XDH: variants seen among roughly 807,000 people sequenced by gnomAD.
The protein encoded by XDH is xanthine dehydrogenase.
Under a neutral mutation model 156.1 loss-of-function variants are expected in XDH, and 138 were observed. The observed-to-expected ratio is 0.88, with a 90% CI of 0.77 to 1.02. XDH has a LOEUF of 1.02. XDH is among the 50% of genes least tolerant of loss of function. The pLI is 0.00. For missense variants in XDH, 1,849 were observed against 1,684.9 expected (o/e 1.10, Z -1.71); for synonymous variants, 669 against 625.7 (o/e 1.07, Z -1.03).
At chr2:31,348,398 A>C (rs370795581) in intron 27 of XDH, 35 bp from the exon 28 acceptor site, 23 of 1,601,942 alleles carry the variant, frequency 1.4e-5, no homozygotes, top group Non-Finnish European at 1.8e-5. Flanking sequence ...CACAAAATTC[A>C]GTAAAATCCA....
chr2:31,364,380 G>T, intron 23 of XDH, 136 bp from the exon 24 acceptor site: 2 of 892,724 alleles, frequency 2.2e-6, no homozygotes, highest in South Asian at 2.8e-5. Context: ...TGAAAAAAAG[G>T]TGACCTTCAG....
chr2:31,369,159 AGCTTCTCAAAG>A (rs758465784), intron 18 of XDH, among the ~76,000 whole-genome samples: 2 of 152,094 alleles, frequency 1.3e-5, no homozygotes, highest in Non-Finnish European at 2.9e-5. Context: ...TTATACCAAA[AGCTTCTCAAAG>A]GCTGTAAAGG....
At chr2:31,392,781 C>T (rs1686802696) in intron 6 of XDH, among the ~76,000 whole-genome samples, 1 of 152,198 alleles carries the variant, frequency 6.6e-6, no homozygotes, top group Admixed American at 6.5e-5. Context: ...AAATTTCCCT[C>T]TAAGCATTGT....
At chr2:31,397,507 C>G (rs901057114) in intron 6 of XDH, among the ~76,000 whole-genome samples, 161 bp downstream of exon 6, 3 of 152,212 alleles carry the variant, frequency 2.0e-5, no homozygotes, top group African/African-American at 7.2e-5. Context: ...ATGGCAGACT[C>G]TACTCCCCAT....
chr2:31,406,381 T>C (rs371506970), intron 1 of XDH, among the ~76,000 whole-genome samples: 5 of 152,216 alleles, frequency 3.3e-5, no homozygotes, highest in Non-Finnish European at 5.9e-5. Context: ...GTCATGCTTG[T>C]ACAGCCTGCA....
intron 17 of XDH, among the ~76,000 whole-genome samples, chr2:31,371,410 T>C (rs1202368898): frequency 1.3e-5 from 2 of 152,220 alleles, no homozygotes; most frequent in East Asian, 1.9e-4. Flanking sequence ...ACTGGGATTA[T>C]TGGAACTGAG....
At chr2:31,346,866 C>T in intron 29 of XDH, 23 bp from the exon 30 acceptor site, 1 of 1,613,808 alleles carries the variant, frequency 6.2e-7, no homozygotes, top group Non-Finnish European at 8.5e-7. Flanking sequence ...CCCCCCACAC[C>T]CCAGACACAT....
At chr2:31,397,571 T>A in intron 6 of XDH, 97 bp downstream of exon 6, 1 of 1,429,356 alleles carries the variant, frequency 7.0e-7, no homozygotes. Flanking sequence ...TCATCATTGT[T>A]TGTAGACCAG....
intron 11 of XDH, among the ~76,000 whole-genome samples, chr2:31,382,137 G>A (rs1422519683): frequency 6.6e-6 from 1 of 152,102 alleles, no homozygotes; most frequent in Non-Finnish European, 1.5e-5. Flanking sequence ...GAACTTCCTG[G>A]TAACTTGGCA....
chr2:31,359,435 A>C (rs1685715563), intron 24 of XDH, among the ~76,000 whole-genome samples: 1 of 151,982 alleles, frequency 6.6e-6, no homozygotes, highest in African/African-American at 2.4e-5. Context: ...GTCCTATTGC[A>C]TCACAAGCGC....
In XDH at chr2:31,377,164, C is replaced by G; in HGVS notation, c.1316G>C (p.Arg439Thr). ...DDIAKVTSGM[R>T]VLFKPGTTEV... ...TGTGGTTCCTGGCTTGAATAAAACT[C>G]TCATGCCACTGGTTACCTTGGCAAT... The change falls in exon 14 of 36, where the codon AGA becomes ACA. Residue 439 changes from arginine (R) to threonine (T), a missense_variant. By Grantham distance (71) the Arg-to-Thr change is moderately conservative (BLOSUM62 -1). Transcript: ENST00000379416. 2 of 1,614,152 alleles carry G rather than the reference C, an allele frequency of 1.2e-6. No individual in the cohort carries two copies. The highest frequency in any genetic ancestry group is 1.7e-6 in the Non-Finnish European group (2 of 1,180,026).
intron 6 of XDH, among the ~76,000 whole-genome samples, chr2:31,391,586 A>G (rs888043935): frequency 2.6e-5 from 4 of 152,208 alleles, no homozygotes; most frequent in African/African-American, 9.6e-5. Context: ...TACAGTTGGG[A>G]ACAACTGACA....
At chr2:31,405,877 T>C (rs1468330396) in intron 2 of XDH, 30 bp downstream of exon 2, 27 of 1,613,632 alleles carry the variant, frequency 1.7e-5, no homozygotes, top group Non-Finnish European at 2.2e-5. Context: ...GCCCCCCTTC[T>C]CCGTCACTCC....
intron 13 of XDH, among the ~76,000 whole-genome samples, chr2:31,378,771 G>A (rs1458490151): frequency 6.6e-6 from 1 of 151,948 alleles, no homozygotes; most frequent in African/African-American, 2.4e-5. Flanking sequence ...ATGGAAGGAT[G>A]TGTTTTGTTA....
intron 18 of XDH, 111 bp downstream of exon 18, chr2:31,370,244 T>C (rs1480729523): frequency 4.7e-6 from 6 of 1,286,388 alleles, no homozygotes; most frequent in Non-Finnish European, 6.6e-6. Context: ...ATGATGGCCA[T>C]AATCCATGCA....
chr2:31,403,502 G>C (rs972458297), intron 2 of XDH, among the ~76,000 whole-genome samples: 2 of 152,068 alleles, frequency 1.3e-5, no homozygotes, highest in African/African-American at 4.8e-5. Context: ...CTGAGCATAC[G>C]GGGCAGTTCT....
rs773108466 is a variant in XDH, at chr2:31,388,253, A to G, written c.538T>C (p.Cys180Arg). The G allele has an allele frequency of 6.2e-7, 1 of 1,614,200 alleles. No homozygotes were observed. Among genetic ancestry groups the G allele is most frequent in the South Asian group, 1.1e-5 (1 of 91,088 alleles). ...GAGTGGTCTTTCTTCTGGTTCATGCAGCAATTTGGATTATTCCCATCTCCT... is the reference window on the plus strand; with the variant it reads ...GAGTGGTCTTTCTTCTGGTTCATGCGGCAATTTGGATTATTCCCATCTCCT... ...CGGDGNNPNC[C>R]MNQKKDHSVS... The change falls in exon 7 of 36, where the codon TGC (cysteine) becomes CGC (arginine). Residue 180 changes from cysteine to arginine, a missense_variant. Physicochemically the swap from Cys to Arg is radical, Grantham distance 180. Coordinates refer to ENST00000379416, the MANE Select transcript of XDH (RefSeq NM_000379.4).
At chr2:31,376,295 C>T (rs545965144) in intron 14 of XDH, among the ~76,000 whole-genome samples, 147 of 150,412 alleles carry the variant, frequency 9.8e-4, no homozygotes, top group African/African-American at 3.4e-3. Flanking sequence ...GTCATAGAAT[C>T]AACAGCAACA....
rs779192880 is a variant in XDH at position 31,387,862 on chromosome 2, C to T, written c.600G>A (p.Glu200=). The T allele has an allele frequency of 5.5e-5, 87 of 1,588,170 alleles. No homozygotes were observed. Among genetic ancestry groups the T allele is most frequent in the Non-Finnish European group, 7.3e-5 (85 of 1,167,774 alleles). ...CCTGGGTTGGATCCAGGGGCGTGAACTCCTCTGGTTTGAATAAAGATGGCG... is the reference window on the plus strand; with the variant it reads ...CCTGGGTTGGATCCAGGGGCGTGAATTCCTCTGGTTTGAATAAAGATGGCG... ...SLSPSLFKPE[E]FTPLDPTQEP... The change falls in exon 8 of 36, where the codon GAG becomes GAA. Residue 200 remains glutamate, a synonymous_variant. Coordinates refer to ENST00000379416, the MANE Select transcript of XDH (RefSeq NM_000379.4).
Sources: allele counts gnomAD v4.1 joint callset (sites outside exome capture counted in the v4.1 genomes callset), GRCh38; gene constraint gnomAD v4.1.1; transcripts MANE v1.5; gene names NCBI Gene and HGNC (gene_info 2026-07-23, HGNC 2026-07-21).